The following TLL1 variants were observed in gnomAD, a reference collection of about 807,000 sequenced individuals.
TLL1 encodes tolloid-like protein 1.
In TLL1, 49 loss-of-function variants were observed where a neutral mutation model predicts 128.2. The observed-to-expected ratio is 0.38, with a 90% confidence interval of 0.30 to 0.48. The LOEUF is 0.48. Ranked by LOEUF, TLL1 falls within the 20% of genes least tolerant of loss-of-function variation. The pLI is 0.96. For missense variants in TLL1, 1,123 were observed against 1,242.0 expected (o/e 0.90, Z 1.44); for synonymous variants, 454 against 418.8 (o/e 1.08, Z -1.03).
chr4:165,973,151 T>A (rs1735704656), intron 1 of TLL1, among the ~76,000 whole-genome samples: 2 of 152,102 alleles, frequency 1.3e-5, no homozygotes, highest in South Asian at 4.1e-4. Flanking sequence ...TGGCTCACAC[T>A]ATCAAAAGCT....
intron 1 of TLL1, among the ~76,000 whole-genome samples, chr4:165,897,098 T>A (rs1440304887): frequency 6.6e-6 from 1 of 152,196 alleles, no homozygotes; most frequent in Non-Finnish European, 1.5e-5. Context: ...TTTTTTTTCT[T>A]GTAAATTTGT....
intron 16 of TLL1, among the ~76,000 whole-genome samples, chr4:166,069,339 C>T (rs553039723): frequency 1.3e-5 from 2 of 151,552 alleles, no homozygotes; most frequent in Admixed American, 6.6e-5. Context: ...CTTTATGAAA[C>T]CTTAACACAA....
intron 1 of TLL1, among the ~76,000 whole-genome samples, chr4:165,963,464 A>T (rs1348064610): frequency 1.3e-5 from 2 of 151,626 alleles, no homozygotes; most frequent in Non-Finnish European, 2.9e-5. Flanking sequence ...TCAGTACTTT[A>T]TGCTTTTCAT....
intron 1 of TLL1, among the ~76,000 whole-genome samples, chr4:165,970,598 G>A (rs1025232886): frequency 5.9e-5 from 9 of 152,068 alleles, no homozygotes; most frequent in African/African-American, 1.9e-4. Flanking sequence ...TGTAGGACTG[G>A]ACTCTAAGAG....
chr4:166,025,460 T>C (rs1738452511), intron 9 of TLL1, 29 bp downstream of exon 9: 2 of 1,479,130 alleles, frequency 1.4e-6, no homozygotes, highest in Non-Finnish European at 1.9e-6. Flanking sequence ...CCCACTATTT[T>C]ATTCTTATAT....
chr4:166,099,429 G>A lies in TLL1; in HGVS notation c.2809G>A (p.Glu937Lys). 6.2e-7 allele frequency: 1 copy of A among 1,613,558 alleles called. No homozygotes were observed. Among genetic ancestry groups the A allele is most frequent in the Non-Finnish European group, 8.5e-7 (1 of 1,179,666 alleles). The change falls in exon 20 of 21, where the codon GAA (glutamate) becomes AAA (lysine). Residue 937 changes from glutamate to lysine, a missense_variant. This residue lies in a region of TLL1 where 634 missense variants were observed against 672.4 expected (regional missense o/e 0.94). Transcript: ENST00000061240. ...SRLELSFQTF[E>K]VEEEADCGYD... is the part of the protein sequence containing the mutation. ...ACTTGAATTATCCTTCCAGACATTT[G>A]AAGTGGAGGAAGAAGCAGACTGTGG... is the stretch of plus-strand genomic sequence containing the variant.
At chr4:166,016,687 G>T (rs1737966679) in intron 8 of TLL1, among the ~76,000 whole-genome samples, 1 of 151,862 alleles carries the variant, frequency 6.6e-6, no homozygotes, top group Non-Finnish European at 1.5e-5. Flanking sequence ...AAAGCACTAT[G>T]ATCTGGGAAA....
chr4:165,882,348 T>G (rs1579437112), intron 1 of TLL1, among the ~76,000 whole-genome samples: 1 of 152,312 alleles, frequency 6.6e-6, no homozygotes, highest in East Asian at 1.9e-4. Context: ...AATTCCTGCT[T>G]GTACTTGTTT....
intron 1 of TLL1, among the ~76,000 whole-genome samples, chr4:165,971,759 C>T (rs910461840): frequency 5.3e-5 from 8 of 152,096 alleles, no homozygotes; most frequent in African/African-American, 1.9e-4. Context: ...TTCTTCTTAT[C>T]CACTTTTAGG....
intron 5 of TLL1, among the ~76,000 whole-genome samples, chr4:165,998,388 C>T (rs1479969604): frequency 3.3e-5 from 5 of 151,704 alleles, no homozygotes; most frequent in African/African-American, 9.7e-5. Flanking sequence ...TTAATGATTG[C>T]CAAAAAAGTA....
chr4:166,076,250 T>C (rs546920086), intron 17 of TLL1, among the ~76,000 whole-genome samples: 1 of 152,264 alleles, frequency 6.6e-6, no homozygotes, highest in African/African-American at 2.4e-5. Flanking sequence ...TTTCTGTATT[T>C]TTTGTAGAGA....
chr4:166,048,067 T>C (rs1183076621), intron 12 of TLL1, among the ~76,000 whole-genome samples: 1 of 151,812 alleles, frequency 6.6e-6, no homozygotes, highest in East Asian at 1.9e-4. Context: ...TGAAACCCCG[T>C]CTCTACTAGA....
chr4:166,044,334 C>T (rs930471089), intron 12 of TLL1: 15 of 1,532,238 alleles, frequency 9.8e-6, no homozygotes, highest in South Asian at 7.1e-5. Context: ...GGGCAGTGAC[C>T]GTGGTCATGG....
intron 1 of TLL1, among the ~76,000 whole-genome samples, chr4:165,923,339 A>T (rs1232957528): frequency 6.6e-6 from 1 of 151,888 alleles, no homozygotes; most frequent in Non-Finnish European, 1.5e-5. Flanking sequence ...TATTTGACAA[A>T]TCAAATATTC....
chr4:165,989,311 TC>T, intron 1 of TLL1, 69 bp from the exon 2 acceptor site: 5 of 1,154,458 alleles, frequency 4.3e-6, no homozygotes. Context: ...ACAATGCTTT[TC>T]TAATTAGCTT....
chr4:166,066,343 TTAACA>T (rs930019447), intron 16 of TLL1, among the ~76,000 whole-genome samples: 1 of 151,750 alleles, frequency 6.6e-6, no homozygotes, highest in African/African-American at 2.4e-5. Context: ...TGTTTCAAAT[TTAACA>T]TTTAGTTTAA....
chr4:165,895,561 T>C (rs1487192642), intron 1 of TLL1, among the ~76,000 whole-genome samples: 2 of 145,734 alleles, frequency 1.4e-5, no homozygotes, highest in Non-Finnish European at 3.0e-5. Context: ...TGTTAAGATG[T>C]TAGAGACAAT....
rs1401275462 is a variant in TLL1, at chr4:165,989,383, G to A, written c.172G>A (p.Val58Ile). ...IDYKDPCKAA[V>I]FWGDIALDDE... ...TAATTCAACTTTTCTTTTTTTAGCTGTATTTTGGGGCGATATTGCCTTAGA... is the reference window on the plus strand; with the variant it reads ...TAATTCAACTTTTCTTTTTTTAGCTATATTTTGGGGCGATATTGCCTTAGA... The change falls in exon 2 of 21, where the codon GTA (valine) becomes ATA (isoleucine). Residue 58 changes from valine to isoleucine, a missense_variant and splice_region_variant. By Grantham distance (29) the Val-to-Ile change is conservative. Transcript: ENST00000061240. 6.2e-7 allele frequency: 1 copy of A among 1,608,644 alleles called. No homozygotes were observed. The highest frequency in any genetic ancestry group is 2.2e-5 in the East Asian group (1 of 44,738).
chr4:165,960,859 A>G (rs1366397768), intron 1 of TLL1, among the ~76,000 whole-genome samples: 1 of 152,092 alleles, frequency 6.6e-6, no homozygotes, highest in Non-Finnish European at 1.5e-5. Flanking sequence ...CATCATACTG[A>G]ACAGGCCATA....
Sources: gnomAD v4.1 joint callset for allele counts (sites outside exome capture counted in the v4.1 genomes callset) on GRCh38, gnomAD v4.1.1 for gene constraint, gnomAD v4.1.1 regional missense constraint, MANE v1.5 for transcripts, NCBI Gene and HGNC (gene_info 2026-07-23, HGNC 2026-07-21) for gene names.